TNFSF4: variants seen among roughly 807,000 people sequenced by gnomAD.
TNFSF4 encodes TNF superfamily member 4, also known as tumor necrosis factor ligand superfamily member 4.
Under a neutral mutation model 7.3 loss-of-function variants are expected in TNFSF4, and 4 were observed. That is an observed-to-expected ratio of 0.55 (90% confidence interval 0.27 to 1.25). The LOEUF is 1.25. Among genes scored for constraint, TNFSF4 ranks in the 50% most tolerant of loss-of-function variants. The pLI is 0.12. For missense variants in TNFSF4, 181 were observed against 208.8 expected (o/e 0.87, Z 0.82); for synonymous variants, 76 against 83.7 (o/e 0.91, Z 0.50).
the TNFSF4 span, among the ~76,000 whole-genome samples, chr1:173,368,290 T>C: frequency 2.6e-5 from 4 of 152,122 alleles, no homozygotes; most frequent in Admixed American, 6.6e-5. Context: ...TTTGGGTCCA[T>C]ACCATCTTTA....
chr1:173,259,330 A>T, the TNFSF4 span, among the ~76,000 whole-genome samples: 6 of 152,056 alleles, frequency 3.9e-5, no homozygotes, highest in African/African-American at 1.4e-4. Flanking sequence ...CCCCAAAAAA[A>T]CCCCATCCAA....
the TNFSF4 span, among the ~76,000 whole-genome samples, chr1:173,272,495 G>C: frequency 6.6e-6 from 1 of 151,982 alleles, no homozygotes; most frequent in Non-Finnish European, 1.5e-5. Flanking sequence ...CTGCAAGATG[G>C]ATACCTAATC....
At chr1:173,371,510 C>T in the TNFSF4 span, among the ~76,000 whole-genome samples, 1 of 152,062 alleles carries the variant, frequency 6.6e-6, no homozygotes. Context: ...GGCTAAAAGA[C>T]CCCCCTCCTT....
intron 1 of TNFSF4, among the ~76,000 whole-genome samples, chr1:173,192,944 C>A (rs1649543924): frequency 6.6e-6 from 1 of 152,110 alleles, no homozygotes; most frequent in Admixed American, 6.6e-5. Flanking sequence ...AGCAATTATT[C>A]TTGGATGCAC....
chr1:173,321,271 C>T, the TNFSF4 span, among the ~76,000 whole-genome samples: 10,806 of 152,186 alleles, frequency 0.071, 437 homozygotes, highest in Middle Eastern at 0.12. Flanking sequence ...AACTGGCTAG[C>T]CATATGCAGA....
chr1:173,335,940 G>GA, the TNFSF4 span, among the ~76,000 whole-genome samples: 1 of 152,120 alleles, frequency 6.6e-6, no homozygotes, highest in Non-Finnish European at 1.5e-5. Context: ...AATTTTCCAG[G>GA]AGAACCAAAA....
chr1:173,337,750 T>G, the TNFSF4 span, among the ~76,000 whole-genome samples: 1 of 152,176 alleles, frequency 6.6e-6, no homozygotes. Context: ...TATGGATTCA[T>G]GGGTTGTGGC....
At chr1:173,406,921 G>A in the TNFSF4 span, among the ~76,000 whole-genome samples, 2 of 152,172 alleles carry the variant, frequency 1.3e-5, no homozygotes, top group Non-Finnish European at 2.9e-5. Context: ...CAGTGACAGC[G>A]GCCTGTTGGG....
At chr1:173,221,953 G>A in the TNFSF4 span, among the ~76,000 whole-genome samples, 38 of 152,274 alleles carry the variant, frequency 2.5e-4, no homozygotes, top group African/African-American at 9.1e-4. Flanking sequence ...AAGTTTTCTT[G>A]TCAAGGCTTT....
the TNFSF4 span, among the ~76,000 whole-genome samples, chr1:173,391,137 T>C: frequency 6.6e-6 from 1 of 152,098 alleles, no homozygotes; most frequent in Non-Finnish European, 1.5e-5. Context: ...ACAGCAGACA[T>C]GTTAAAAATC....
the TNFSF4 span, among the ~76,000 whole-genome samples, chr1:173,385,205 A>T: frequency 1.3e-5 from 2 of 152,226 alleles, no homozygotes; most frequent in Admixed American, 1.3e-4. Flanking sequence ...CCCTAATTAT[A>T]CCAATTATTA....
the TNFSF4 span, among the ~76,000 whole-genome samples, chr1:173,269,038 C>T: frequency 6.6e-6 from 1 of 152,058 alleles, no homozygotes; most frequent in South Asian, 2.1e-4. Flanking sequence ...AACGTTTACT[C>T]TCCTCATTAT....
the TNFSF4 span, among the ~76,000 whole-genome samples, chr1:173,236,534 C>G: frequency 2.0e-5 from 3 of 151,936 alleles, no homozygotes; most frequent in Non-Finnish European, 4.4e-5. Context: ...TTTATTGTAG[C>G]AACCCCATGT....
At chr1:173,379,092 G>A in the TNFSF4 span, among the ~76,000 whole-genome samples, 1 of 152,222 alleles carries the variant, frequency 6.6e-6, no homozygotes, top group African/African-American at 2.4e-5. Flanking sequence ...TCATGCTATT[G>A]TTAGATCAAA....
the TNFSF4 span, among the ~76,000 whole-genome samples, chr1:173,177,009 A>G: frequency 2.0e-5 from 3 of 151,764 alleles, no homozygotes; most frequent in Admixed American, 6.6e-5. Context: ...ATAAAAAACT[A>G]CCTATCGAGT....
the TNFSF4 span, among the ~76,000 whole-genome samples, chr1:173,401,903 A>G: frequency 2.0e-5 from 3 of 152,186 alleles, no homozygotes; most frequent in African/African-American, 7.2e-5. Flanking sequence ...TATATGGGCA[A>G]TGGTTTGTCA....
At chr1:173,420,600 CTTT>C in the TNFSF4 span, among the ~76,000 whole-genome samples, 1 of 151,930 alleles carries the variant, frequency 6.6e-6, no homozygotes, top group Non-Finnish European at 1.5e-5. Flanking sequence ...TACATAATTT[CTTT>C]AAGATGATGT....
chr1:173,438,973 T>C, the TNFSF4 span, among the ~76,000 whole-genome samples: 31 of 152,310 alleles, frequency 2.0e-4, no homozygotes, highest in Admixed American at 4.6e-4. Flanking sequence ...AGTTAAATAA[T>C]TGCACCTATA....
In TNFSF4 at chr1:173,186,693, G is replaced by A; in HGVS notation, c.375C>T (p.Pro125=). 6.2e-7 allele frequency: 1 copy of A among 1,614,128 alleles called. No homozygotes were observed. Among genetic ancestry groups the A allele is most frequent in the African/African-American group, 1.3e-5 (1 of 75,022 alleles). The change falls in exon 3 of 3, where the codon CCC becomes CCT. Residue 125 remains proline (P), a synonymous_variant. Transcript: ENST00000281834. ...ISLHYQKDEE[P]LFQLKKVRSV... ...ACCTGACCTTCTTCAGTTGGAAGAG[G>A]GGCTCCTCATCCTTCTGGTAATGAA...
Sources: gnomAD v4.1 joint callset for allele counts (sites outside exome capture counted in the v4.1 genomes callset) on GRCh38, gnomAD v4.1.1 for gene constraint, MANE v1.5 for transcripts, NCBI Gene and HGNC (gene_info 2026-07-23, HGNC 2026-07-21) for gene names.